Variants in TBC1D8 observed in about 807,000 individuals in gnomAD.
TBC1D8 encodes BUB2-like protein 1.
TBC1D8 carries 65 observed loss-of-function variants against 118.8 expected under a neutral mutation model. That is an observed-to-expected ratio of 0.55 (90% confidence interval 0.45 to 0.67). TBC1D8 has a LOEUF of 0.67. Among genes scored for constraint, TBC1D8 ranks in the 30% least tolerant of loss-of-function variants. The pLI, the probability that TBC1D8 is intolerant of heterozygous loss-of-function variation, is 0.00. For synonymous variants in TBC1D8, 566 were observed against 595.8 expected (o/e 0.95, Z 0.73); for missense variants, 1,376 against 1,471.2 (o/e 0.94, Z 1.06).
intron 1 of TBC1D8, among the ~76,000 whole-genome samples, chr2:101,092,532 TATATC>T (rs1007829289): frequency 1.9e-4 from 29 of 152,306 alleles, no homozygotes; most frequent in African/African-American, 7.0e-4. Context: ...TTCTCTTACT[TATATC>T]AGTATGGCCT....
At chr2:101,048,574 C>G (rs1301599545) in intron 5 of TBC1D8, among the ~76,000 whole-genome samples, 1 of 152,100 alleles carries the variant, frequency 6.6e-6, no homozygotes, top group Non-Finnish European at 1.5e-5. Context: ...TACACATGAT[C>G]CATTTTAAAA....
At chr2:101,086,521 G>A (rs554300880) in intron 2 of TBC1D8, among the ~76,000 whole-genome samples, 1 of 150,826 alleles carries the variant, frequency 6.6e-6, no homozygotes, top group African/African-American at 2.4e-5. Context: ...AAACTTCAAT[G>A]ATAAAGACAG....
At chr2:101,029,250 A>G (rs574067042) in intron 12 of TBC1D8, among the ~76,000 whole-genome samples, 2 of 152,260 alleles carry the variant, frequency 1.3e-5, no homozygotes, top group Non-Finnish European at 2.9e-5. Context: ...TTAGCCGAGC[A>G]TGGTGGTGGG....
intron 1 of TBC1D8, among the ~76,000 whole-genome samples, chr2:101,147,472 GT>G (rs1244538061): frequency 3.3e-5 from 5 of 151,986 alleles, no homozygotes; most frequent in Non-Finnish European, 5.9e-5. Context: ...TCACCAACAC[GT>G]TTTTCCTTTG....
At chr2:101,095,543 G>A (rs1197869194) in intron 1 of TBC1D8, among the ~76,000 whole-genome samples, 1 of 151,730 alleles carries the variant, frequency 6.6e-6, no homozygotes, top group Admixed American at 6.6e-5. Flanking sequence ...GAGAATGATG[G>A]TTTCCAGTTT....
chr2:101,088,717 C>T (rs1675809409), intron 2 of TBC1D8, among the ~76,000 whole-genome samples: 1 of 152,094 alleles, frequency 6.6e-6, no homozygotes, highest in Admixed American at 6.5e-5. Flanking sequence ...ACTACAGGTA[C>T]ACACCACCAC....
intron 17 of TBC1D8, among the ~76,000 whole-genome samples, chr2:101,020,646 C>A (rs922326571): frequency 6.6e-6 from 1 of 152,200 alleles, no homozygotes; most frequent in African/African-American, 2.4e-5. Context: ...GATGCCAGTT[C>A]AGCAATGGCT....
At chr2:101,063,736 T>C (rs1293167666) in intron 2 of TBC1D8, among the ~76,000 whole-genome samples, 1 of 151,844 alleles carries the variant, frequency 6.6e-6, no homozygotes, top group Non-Finnish European at 1.5e-5. Flanking sequence ...TTACATAAAG[T>C]AGCACATCTG....
intron 1 of TBC1D8, among the ~76,000 whole-genome samples, chr2:101,120,899 C>T (rs1678068316): frequency 6.6e-6 from 1 of 152,148 alleles, no homozygotes; most frequent in African/African-American, 2.4e-5. Context: ...CTGAGTGGGA[C>T]AATGACACCT....
chr2:101,125,992 G>A (rs1215192484), intron 1 of TBC1D8, among the ~76,000 whole-genome samples: 1 of 152,156 alleles, frequency 6.6e-6, no homozygotes, highest in Admixed American at 6.5e-5. Flanking sequence ...TTGCTATAAA[G>A]GAATACCTGA....
intron 1 of TBC1D8, among the ~76,000 whole-genome samples, chr2:101,119,098 A>C (rs1439683949): frequency 1.3e-5 from 2 of 152,230 alleles, no homozygotes; most frequent in East Asian, 3.8e-4. Context: ...CGTCATACAA[A>C]AATCATAGCA....
chr2:101,121,585 G>T (rs1678109463), intron 1 of TBC1D8, among the ~76,000 whole-genome samples: 1 of 152,232 alleles, frequency 6.6e-6, no homozygotes, highest in African/African-American at 2.4e-5. Context: ...GGTCTCATTT[G>T]TAAGGGCGCT....
In TBC1D8 at chr2:101,007,990, A is replaced by G. The variant is rs1213226047; in HGVS notation, c.3299T>C (p.Leu1100Pro). The change falls in exon 20 of 20, where the codon CTT (leucine) becomes CCT (proline). Residue 1100 changes from leucine (L) to proline (P), a missense_variant. Transcript: ENST00000409318. Reference sequence around the variant, plus strand: ...CAGAAGTGAAGCTAAAATATGTTCAAGGGAGACAGTCCAGTCCCTTTCTGC... The same window carrying G: ...CAGAAGTGAAGCTAAAATATGTTCAGGGGAGACAGTCCAGTCCCTTTCTGC... ...EAAERDWTVS[L>P]EHILASLLTE... 1 of 1,613,916 alleles carries G rather than the reference A, an allele frequency of 6.2e-7. No homozygotes were observed. Among genetic ancestry groups the G allele is most frequent in the Non-Finnish European group, 8.5e-7 (1 of 1,179,898 alleles).
rs1235676965 is a variant in TBC1D8 at position 101,022,323 on chromosome 2, T to C, written c.2719A>G (p.Met907Val). 2.5e-6 allele frequency: 4 copies of C among 1,612,800 alleles called. No individual in the cohort carries two copies. Among genetic ancestry groups the C allele is most frequent in the Non-Finnish European group, 3.4e-6 (4 of 1,179,640 alleles). Residue 907 changes from methionine (M) to valine (V), a missense_variant, in exon 16 of 20, where the codon ATG (methionine) becomes GTG (valine). Met to Val is a conservative substitution (Grantham distance 21). Transcript: ENST00000409318. ...ERTFRLLDDN[M>V]DQLIEFKAFV... ...GCTTTGAACTCGATGAGCTGGTCCA[T>C]GTTGTCATCCAAGAGCCTGAACGTC...
intron 1 of TBC1D8, among the ~76,000 whole-genome samples, chr2:101,096,900 A>T (rs1676491787): frequency 6.6e-6 from 1 of 152,142 alleles, no homozygotes; most frequent in South Asian, 2.1e-4. Flanking sequence ...ATAATAGGAG[A>T]AGAGATAGTA....
intron 1 of TBC1D8, chr2:101,109,685 T>C: frequency 5.5e-6 from 3 of 542,628 alleles, no homozygotes; most frequent in Non-Finnish European, 7.1e-6. Context: ...TTTCCGCAGA[T>C]GGGATGAAGC....
intron 6 of TBC1D8, among the ~76,000 whole-genome samples, chr2:101,039,593 GCCAAA>G (rs1681252255): frequency 6.6e-6 from 1 of 152,202 alleles, no homozygotes; most frequent in East Asian, 1.9e-4. Flanking sequence ...CTGCCCTGAA[GCCAAA>G]GGACTGAGCT....
At chr2:101,020,913 T>C (rs183965478) in intron 17 of TBC1D8, among the ~76,000 whole-genome samples, 1 of 152,208 alleles carries the variant, frequency 6.6e-6, no homozygotes, top group Admixed American at 6.5e-5. Flanking sequence ...ATCGAGTGTA[T>C]ATAGGGTTTG....
At chr2:101,033,829 T>G (rs1680829706) in intron 9 of TBC1D8, 71 bp from the exon 10 acceptor site, 1 of 1,528,174 alleles carries the variant, frequency 6.5e-7, no homozygotes, top group Non-Finnish European at 8.9e-7. Flanking sequence ...AAGATGCTGG[T>G]CCCATCAGGG....
Sources: gnomAD v4.1 joint callset for allele counts (sites outside exome capture counted in the v4.1 genomes callset) on GRCh38, gnomAD v4.1.1 for gene constraint, MANE v1.5 for transcripts, NCBI Gene and HGNC (gene_info 2026-07-23, HGNC 2026-07-21) for gene names.